The following TNFSF11 variants were observed in gnomAD, a reference collection of about 807,000 sequenced individuals.
TNFSF11 encodes the protein tumor necrosis factor ligand superfamily member 11.
A neutral mutation model predicts 32.2 loss-of-function variants in TNFSF11; 12 were observed. That is an observed-to-expected ratio of 0.37 (90% CI 0.24 to 0.60). The LOEUF is 0.60. Among genes scored for constraint, TNFSF11 ranks in the 20% least tolerant of loss-of-function variants. The pLI is 0.66. For missense variants in TNFSF11, 345 were observed against 398.0 expected, an observed-to-expected ratio of 0.87 and a Z score of 1.13; for synonymous variants, 172 against 152.1, an observed-to-expected ratio of 1.13 and a Z score of -0.96.
chr13:42,574,583 T>C (rs1873216595), intron 1 of TNFSF11, 61 bp downstream of exon 1: 2 of 1,566,696 alleles, frequency 1.3e-6, no homozygotes, highest in South Asian at 2.3e-5. Flanking sequence ...CCCCCGCACT[T>C]GGAAACTGAG....
upstream of TNFSF11, among the ~76,000 whole-genome samples, chr13:42,571,067 T>C (rs549731505): frequency 3.7e-4 from 57 of 152,332 alleles, no homozygotes; most frequent in African/African-American, 1.4e-3. Context: ...AGTGCTGGCA[T>C]ATAGTGGGTT....
chr13:42,606,546 C>T lies in TNFSF11; in HGVS notation c.582C>T (p.Ala194=). The change falls in exon 5 of 5, where the codon GCC becomes GCT. Residue 194 remains alanine (A), a synonymous_variant. Coordinates refer to ENST00000398795, the MANE Select transcript of TNFSF11 (RefSeq NM_003701.4). ...CTTGGTACCATGATCGGGGTTGGGC[C>T]AAGATCTCCAACATGACTTTTAGCA... ...LSSWYHDRGW[A]KISNMTFSNG... 1 of 1,614,178 alleles carries T rather than the reference C, an allele frequency of 6.2e-7. No individual in the cohort carries two copies. Among genetic ancestry groups the T allele is most frequent in the Non-Finnish European group, 8.5e-7 (1 of 1,180,038 alleles).
intron 4 of TNFSF11, among the ~76,000 whole-genome samples, chr13:42,604,565 A>T (rs1869349217): frequency 6.6e-6 from 1 of 152,170 alleles, no homozygotes; most frequent in Non-Finnish European, 1.5e-5. Flanking sequence ...CCCTTGCTGC[A>T]GTTTTTCTCC....
intron 1 of TNFSF11, among the ~76,000 whole-genome samples, chr13:42,579,023 G>A (rs1353092970): frequency 6.6e-6 from 1 of 152,124 alleles, no homozygotes; most frequent in Non-Finnish European, 1.5e-5. Context: ...GTATGCCAAA[G>A]TAAAGCCTGA....
intron 2 of TNFSF11, among the ~76,000 whole-genome samples, chr13:42,587,717 T>G (rs1338991961): frequency 6.6e-6 from 1 of 152,230 alleles, no homozygotes; most frequent in Non-Finnish European, 1.5e-5. Flanking sequence ...AAAAGAGCAT[T>G]AATTAAAAAC....
intron 2 of TNFSF11, among the ~76,000 whole-genome samples, chr13:42,585,555 A>G (rs914470624): frequency 3.3e-5 from 5 of 152,212 alleles, no homozygotes; most frequent in Non-Finnish European, 5.9e-5. Context: ...AAAGTCTATC[A>G]TAACAGTCTA....
intron 1 of TNFSF11, among the ~76,000 whole-genome samples, chr13:42,565,199 G>A (rs774947468): frequency 3.4e-5 from 5 of 146,706 alleles, no homozygotes; most frequent in Non-Finnish European, 6.0e-5. Context: ...TCAGCTCATC[G>A]ATAACTTTTA....
At chr13:42,564,892 C>A (rs967197780) in intron 1 of TNFSF11, among the ~76,000 whole-genome samples, 9 of 152,202 alleles carry the variant, frequency 5.9e-5, no homozygotes, top group Non-Finnish European at 1.2e-4. Flanking sequence ...AAGTTTCTCT[C>A]ATACACTAGA....
At chr13:42,569,401 A>T (rs959807256), upstream of TNFSF11, among the ~76,000 whole-genome samples, 1 of 152,090 alleles carries the variant, frequency 6.6e-6, no homozygotes, top group Non-Finnish European at 1.5e-5. Flanking sequence ...ACAAAAAATT[A>T]GCCGGGCATG....
chr13:42,574,153 C>A lies in TNFSF11; in HGVS notation c.-151C>A. ...AGAGTTGGGGCTGCCGGGCGCCCTGCCCGCTCGCCCGCGCGCCCCAGGACC... is the reference window on the plus strand; with the variant it reads ...AGAGTTGGGGCTGCCGGGCGCCCTGACCGCTCGCCCGCGCGCCCCAGGACC... On this transcript the variant is annotated 5_prime_UTR_variant, in exon 1 of 5. Coordinates refer to ENST00000398795, the MANE Select transcript of TNFSF11 (RefSeq NM_003701.4). The A allele has an allele frequency of 9.6e-7, 1 of 1,039,384 alleles. No homozygotes were observed. The highest frequency in any genetic ancestry group is 1.6e-5 in the African/African-American group (1 of 61,228). The allele number at this position is 1,039,384 out of a possible 1,614,324, so 64.4% of individuals were successfully genotyped here.
intron 1 of TNFSF11, among the ~76,000 whole-genome samples, chr13:42,579,697 G>A (rs1176843472): frequency 1.8e-5 from 2 of 112,566 alleles, no homozygotes; most frequent in Admixed American, 1.1e-4. Flanking sequence ...ACCGGCATAA[G>A]TAAGCCCTTT....
chr13:42,592,339 G>C (rs1480905815), intron 2 of TNFSF11, among the ~76,000 whole-genome samples: 2 of 152,170 alleles, frequency 1.3e-5, no homozygotes, highest in Admixed American at 1.3e-4. Flanking sequence ...ACTCAGGTTC[G>C]GTAATATTCT....
Position 42,574,426 on chromosome 13 carries a change from C to G in TNFSF11, c.123C>G (p.Pro41=), listed in dbSNP as rs1438699164. Residue 41 remains proline, a synonymous_variant, in exon 1 of 5, where the codon CCC becomes CCG. Coordinates refer to ENST00000398795, the MANE Select transcript of TNFSF11 (RefSeq NM_003701.4). ...CGCCGCCGCCTGCGCCGCACCAGCC[C>G]CCTGCCGCCTCCCGCTCCATGTTCG... ...HAPPPPAPHQ[P]PAASRSMFVA... The G allele has an allele frequency of 6.3e-7, 1 of 1,597,162 alleles. No homozygotes were observed. Among genetic ancestry groups the G allele is most frequent in the Non-Finnish European group, 8.5e-7 (1 of 1,174,774 alleles).
At chr13:42,579,327 G>A (rs1392991967) in intron 1 of TNFSF11, among the ~76,000 whole-genome samples, 3 of 150,552 alleles carry the variant, frequency 2.0e-5, no homozygotes, top group Non-Finnish European at 4.4e-5. Flanking sequence ...AGGATTGCTT[G>A]AGCCCAGGGA....
intron 1 of TNFSF11, among the ~76,000 whole-genome samples, chr13:42,565,155 T>C (rs1394187781): frequency 1.3e-5 from 2 of 152,112 alleles, no homozygotes; most frequent in Non-Finnish European, 2.9e-5. Context: ...AGAATGTTCA[T>C]GTGGAATTCC....
chr13:42,569,413 T>C (rs915741742), upstream of TNFSF11, among the ~76,000 whole-genome samples: 2 of 151,874 alleles, frequency 1.3e-5, no homozygotes, highest in Non-Finnish European at 2.9e-5. Context: ...CCGGGCATGG[T>C]GGCGGTCACC....
intron 2 of TNFSF11, among the ~76,000 whole-genome samples, chr13:42,587,069 TAAC>T (rs1278774324): frequency 1.3e-5 from 2 of 152,208 alleles, no homozygotes; most frequent in Admixed American, 1.3e-4. Flanking sequence ...CCCTCTCACA[TAAC>T]AATCCAGACG....
rs774768557 is a variant in TNFSF11, at chr13:42,590,471, C to T, written c.387+9178C>T. 1.1e-4 allele frequency among the ~76,000 whole-genome samples: 17 copies of T among 152,316 alleles called. No individual in the cohort carries two copies. In the East Asian group the frequency reaches 1.5e-3, roughly 14 times the overall value. ...GGCCTCATGGATCTAAAGCAGCTGGCCTGGTATCTCTGACCCCCTTTGCGT... is the reference window on the plus strand; with the variant it reads ...GGCCTCATGGATCTAAAGCAGCTGGTCTGGTATCTCTGACCCCCTTTGCGT... On this transcript the variant is annotated intron_variant, in intron 2 of 4. Coordinates refer to ENST00000398795, the MANE Select transcript of TNFSF11 (RefSeq NM_003701.4).
In TNFSF11 at chr13:42,587,767, A is replaced by G. The variant is rs533271505; in HGVS notation, c.387+6474A>G. On this transcript the variant is annotated intron_variant, in intron 2 of 4. Coordinates refer to ENST00000398795, the MANE Select transcript of TNFSF11 (RefSeq NM_003701.4). Reference sequence around the variant, plus strand: ...GATTAAGTGATTGTGTTTTCTACATATGGGAAACAGATCCCCTTGGATTGC... The same window carrying G: ...GATTAAGTGATTGTGTTTTCTACATGTGGGAAACAGATCCCCTTGGATTGC... Among the ~76,000 whole-genome samples the G allele has an allele frequency of 1.2e-4, 18 of 152,368 alleles. No homozygotes were observed. In the South Asian group the frequency reaches 3.1e-3, roughly 26 times the overall value.
Sources: gnomAD v4.1 joint callset for allele counts (sites outside exome capture counted in the v4.1 genomes callset) on GRCh38, gnomAD v4.1.1 for gene constraint, MANE v1.5 for transcripts, NCBI Gene and HGNC (gene_info 2026-07-23, HGNC 2026-07-21) for gene names.